CENPP: variants seen among roughly 807,000 people sequenced by gnomAD.
CENPP encodes the protein centromere protein P.
CENPP carries 24 observed loss-of-function variants against 35.6 expected under a neutral mutation model. The ratio of observed to expected loss-of-function variants is 0.67; its 90% CI spans 0.49 to 0.95. CENPP has a LOEUF of 0.95. CENPP is among the 40% of genes least tolerant of loss of function. The probability of loss-of-function intolerance (pLI) is 0.00; values close to 1 mark genes in which losing one functional copy is unlikely to be tolerated. For missense variants in CENPP, 332 were observed against 345.3 expected (o/e 0.96, Z 0.31); for synonymous variants, 120 against 125.5 (o/e 0.96, Z 0.29).
At chr9:92,459,534 T>C in intron 5 of CENPP, 1 of 1,192,094 alleles carries the variant, frequency 8.4e-7, no homozygotes, top group Non-Finnish European at 1.2e-6. Context: ...TGAATCACCC[T>C]TGCTGCTTAC....
At chr9:92,341,909 A>G (rs541680309) in intron 3 of CENPP, among the ~76,000 whole-genome samples, 4 of 152,382 alleles carry the variant, frequency 2.6e-5, no homozygotes, top group African/African-American at 9.6e-5. Context: ...CTGAGATTAT[A>G]CTGTTAGCTC....
chr9:92,385,890 C>G, intron 5 of CENPP: 2 of 1,050,214 alleles, frequency 1.9e-6, no homozygotes, highest in South Asian at 2.9e-5. Flanking sequence ...TCTGAGTGCC[C>G]CCTCACTTCA....
intron 3 of CENPP, chr9:92,340,183 C>G (rs1237979754): frequency 6.5e-6 from 1 of 152,706 alleles, no homozygotes; most frequent in Non-Finnish European, 1.5e-5. Context: ...CGGAGAGAAG[C>G]TCCGTTGTGG....
At chr9:92,430,645 C>G (rs1181135396) in intron 5 of CENPP, among the ~76,000 whole-genome samples, 1 of 151,312 alleles carries the variant, frequency 6.6e-6, no homozygotes, top group East Asian at 2.0e-4. Context: ...TGTGAGCCAC[C>G]ACGCCTGGAC....
At chr9:92,568,903 A>G (rs941002833) in intron 5 of CENPP, among the ~76,000 whole-genome samples, 5 of 152,136 alleles carry the variant, frequency 3.3e-5, no homozygotes, top group African/African-American at 1.2e-4. Flanking sequence ...GTGTCTGTTC[A>G]TGTCCTTTGC....
At chr9:92,463,987 T>A (rs1234373303) in intron 5 of CENPP, among the ~76,000 whole-genome samples, 1 of 152,232 alleles carries the variant, frequency 6.6e-6, no homozygotes, top group Non-Finnish European at 1.5e-5. Context: ...GTTTTATTGA[T>A]CTTCTGGATC....
intron 5 of CENPP, among the ~76,000 whole-genome samples, chr9:92,423,226 G>T (rs1294963542): frequency 2.6e-5 from 4 of 152,004 alleles, no homozygotes; most frequent in Non-Finnish European, 4.4e-5. Context: ...AGCAGGAAAA[G>T]AACAAATGTG....
chr9:92,422,130 A>C (rs1388403644), intron 5 of CENPP, among the ~76,000 whole-genome samples: 1 of 151,852 alleles, frequency 6.6e-6, no homozygotes, highest in Non-Finnish European at 1.5e-5. Context: ...GGCTCACTGC[A>C]ACCTCCGCCT....
chr9:92,565,714 C>G (rs1849952109), intron 5 of CENPP, among the ~76,000 whole-genome samples: 1 of 152,128 alleles, frequency 6.6e-6, no homozygotes, highest in South Asian at 2.1e-4. Flanking sequence ...TATCTTTCCC[C>G]TTTTGGGAGC....
At chr9:92,428,999 T>A (rs1564315785) in intron 5 of CENPP, among the ~76,000 whole-genome samples, 1 of 152,090 alleles carries the variant, frequency 6.6e-6, no homozygotes, top group Non-Finnish European at 1.5e-5. Flanking sequence ...AACTCTTATC[T>A]TTAAGACATC....
At chr9:92,355,779 A>G (rs2130823098) in intron 4 of CENPP, among the ~76,000 whole-genome samples, 2 of 152,336 alleles carry the variant, frequency 1.3e-5, no homozygotes, top group Non-Finnish European at 2.9e-5. Flanking sequence ...CATGCCTTAG[A>G]TTTAGCAAAT....
intron 5 of CENPP, among the ~76,000 whole-genome samples, chr9:92,382,199 G>A (rs1402173782): frequency 2.0e-5 from 3 of 151,786 alleles, no homozygotes; most frequent in Non-Finnish European, 4.4e-5. Flanking sequence ...GTCCTTTGAT[G>A]AGCAGAAATT....
At chr9:92,552,423 G>A (rs1156317283) in intron 5 of CENPP, among the ~76,000 whole-genome samples, 1 of 152,168 alleles carries the variant, frequency 6.6e-6, no homozygotes, top group Non-Finnish European at 1.5e-5. Flanking sequence ...TCTCTACACT[G>A]TTTCCCATAG....
chr9:92,475,332 T>C (rs1845677390), intron 5 of CENPP, among the ~76,000 whole-genome samples: 1 of 152,154 alleles, frequency 6.6e-6, no homozygotes, highest in African/African-American at 2.4e-5. Flanking sequence ...TATTATCTTT[T>C]GTGAAATAAA....
At chr9:92,378,268 CTCCT>C (rs1354556369) in intron 4 of CENPP, among the ~76,000 whole-genome samples, 1 of 152,158 alleles carries the variant, frequency 6.6e-6, no homozygotes, top group African/African-American at 2.4e-5. Flanking sequence ...AGGGGCACAG[CTCCT>C]TTTTGGCATT....
Position 92,618,963 on chromosome 9 carries a change from A to T in CENPP, c.*5814A>T. The stretch of plus-strand genomic sequence containing the variant: ...TATCAGTTTCATCCCGAATTCCCAG[A>T]AACAGAGGGGACTGGACAAAACTAG... On this transcript the variant is annotated 3_prime_UTR_variant, in exon 8 of 8. Transcript: ENST00000375587. The T allele has an allele frequency of 3.6e-6, 1 of 276,216 alleles. No homozygotes were observed. The highest frequency in any genetic ancestry group is 4.0e-5 in the South Asian group (1 of 24,802). The allele number at this position is 276,216 out of a possible 1,614,324, so 17.1% of individuals were successfully genotyped here. A position where few individuals can be genotyped will look rare whatever the true frequency, so the allele number is the denominator to read the frequency against.
intron 5 of CENPP, among the ~76,000 whole-genome samples, chr9:92,539,919 G>A (rs1395801581): frequency 6.6e-6 from 1 of 151,992 alleles, no homozygotes; most frequent in Non-Finnish European, 1.5e-5. Context: ...GTTTGTGTAC[G>A]CATTTCCAGG....
At position 92,358,367 on chromosome 9, in the gene CENPP, C is replaced by G. The variant is rs372369495; in HGVS notation, c.467+12580C>G. On this transcript the variant is annotated intron_variant, in intron 4 of 7. Transcript: ENST00000375587. Reference sequence around the variant, plus strand: ...AAGCAATTCTCCTGCCTCAGCCTCCCGAGTAGCTGGGATTACAGGTGCCTG... The same window carrying G: ...AAGCAATTCTCCTGCCTCAGCCTCCGGAGTAGCTGGGATTACAGGTGCCTG... Among the ~76,000 whole-genome samples, 10 of 152,064 alleles carry G rather than the reference C, an allele frequency of 6.6e-5. No individual in the cohort carries two copies. In the South Asian group the frequency reaches 1.9e-3, roughly 28 times the overall value.
At chr9:92,440,981 G>A (rs1275627478) in intron 5 of CENPP, among the ~76,000 whole-genome samples, 6 of 152,292 alleles carry the variant, frequency 3.9e-5, no homozygotes, top group Admixed American at 1.3e-4. Context: ...TCAAACAAGT[G>A]TTAAGTTCCT....
Sources: gnomAD v4.1 joint callset for allele counts (sites outside exome capture counted in the v4.1 genomes callset) on GRCh38, gnomAD v4.1.1 for gene constraint, MANE v1.5 for transcripts, NCBI Gene and HGNC (gene_info 2026-07-23, HGNC 2026-07-21) for gene names.